Variants in PLCB1 observed in about 807,000 individuals in gnomAD.
PLCB1 encodes 1-phosphatidylinositol 4,5-bisphosphate phosphodiesterase beta-1.
In PLCB1, 46 loss-of-function variants were observed where a neutral mutation model predicts 161.8. That is an observed-to-expected ratio of 0.28 (90% CI 0.22 to 0.36). PLCB1 has a LOEUF of 0.36. Among genes scored for constraint, PLCB1 ranks in the 10% least tolerant of loss-of-function variants. The probability of loss-of-function intolerance (pLI) is 1.00; values close to 1 mark genes in which losing one functional copy is unlikely to be tolerated. For missense variants in PLCB1, 1,016 were observed against 1,472.5 expected, an observed-to-expected ratio of 0.69 and a Z score of 5.07; for synonymous variants, 517 against 503.7, an observed-to-expected ratio of 1.03 and a Z score of -0.35.
intron 2 of PLCB1, among the ~76,000 whole-genome samples, chr20:8,368,036 G>A (rs549763461): frequency 9.9e-5 from 15 of 152,262 alleles, no homozygotes; most frequent in East Asian, 9.7e-4. Context: ...CACAGTTGGC[G>A]TTAACTACCC....
intron 12 of PLCB1, among the ~76,000 whole-genome samples, chr20:8,713,317 GT>G (rs1266306296): frequency 6.6e-6 from 1 of 152,048 alleles, no homozygotes; most frequent in Non-Finnish European, 1.5e-5. Context: ...TAAGTAGCTG[GT>G]ATTACAGGCA....
intron 31 of PLCB1, among the ~76,000 whole-genome samples, chr20:8,871,989 A>G (rs1177474029): frequency 1.3e-5 from 2 of 152,208 alleles, no homozygotes; most frequent in African/African-American, 4.8e-5. Flanking sequence ...AAATAAGCTG[A>G]GCAAGGTCAT....
chr20:8,161,499 T>C (rs1205246523), intron 2 of PLCB1, among the ~76,000 whole-genome samples: 2 of 152,252 alleles, frequency 1.3e-5, no homozygotes, highest in African/African-American at 4.8e-5. Context: ...GGCAGTGCAG[T>C]CTGGCTCTAT....
In PLCB1 at chr20:8,881,605, CT is replaced by C; in HGVS notation, c.3424-16del. On this transcript the variant is annotated splice_polypyrimidine_tract_variant and intron_variant, in intron 31 of 31. Transcript: ENST00000338037. ...CATAAACAACTTCAAGTCATCTCCCCTCTTGATGTCTCTCAGCTGCAGGTGG... is the reference window on the plus strand; with the variant it reads ...CATAAACAACTTCAAGTCATCTCCCCCTTGATGTCTCTCAGCTGCAGGTGG... 2 of 1,594,234 alleles carry C rather than the reference CT, an allele frequency of 1.3e-6. No individual in the cohort carries two copies. The highest frequency in any genetic ancestry group is 8.6e-7 in the Non-Finnish European group (1 of 1,161,872).
chr20:8,263,894 C>T (rs1420867871), intron 2 of PLCB1, among the ~76,000 whole-genome samples: 4 of 152,110 alleles, frequency 2.6e-5, no homozygotes, highest in Non-Finnish European at 5.9e-5. Flanking sequence ...CATTAATGTA[C>T]ACTACTAGAG....
intron 1 of PLCB1, among the ~76,000 whole-genome samples, chr20:8,140,781 C>A (rs547879759): frequency 6.6e-5 from 10 of 151,208 alleles, no homozygotes; most frequent in South Asian, 2.1e-4. Flanking sequence ...ACAACAACAA[C>A]AACAAAAAAC....
intron 3 of PLCB1, among the ~76,000 whole-genome samples, chr20:8,452,108 G>A (rs8115127): frequency 0.019 from 2,906 of 152,278 alleles, 88 homozygotes; most frequent in African/African-American, 0.067. Flanking sequence ...TAATATTTAT[G>A]AAACAACTGT....
At chr20:8,534,320 G>T (rs1025629000) in intron 3 of PLCB1, among the ~76,000 whole-genome samples, 2 of 152,140 alleles carry the variant, frequency 1.3e-5, no homozygotes, top group East Asian at 1.9e-4. Flanking sequence ...GGACTTACAG[G>T]CAGGAGCCAC....
intron 2 of PLCB1, chr20:8,305,751 T>C (rs1984105737): frequency 6.6e-6 from 1 of 152,220 alleles, no homozygotes. Context: ...TTGCTATTTA[T>C]ATCTCTTCCT....
At chr20:8,288,040 A>G (rs1016385548) in intron 2 of PLCB1, among the ~76,000 whole-genome samples, 6 of 152,182 alleles carry the variant, frequency 3.9e-5, no homozygotes, top group Non-Finnish European at 5.9e-5. Context: ...GAACTTCTCT[A>G]TCTGAGGTGT....
intron 3 of PLCB1, among the ~76,000 whole-genome samples, chr20:8,392,024 A>G (rs1367884027): frequency 2.6e-5 from 4 of 151,936 alleles, no homozygotes; most frequent in Non-Finnish European, 4.4e-5. Flanking sequence ...TTTAGGACTC[A>G]TAATAAACTG....
chr20:8,703,409 AG>A (rs1397275353), intron 11 of PLCB1, among the ~76,000 whole-genome samples: 2 of 152,158 alleles, frequency 1.3e-5, no homozygotes, highest in Non-Finnish European at 2.9e-5. Context: ...GCCAGAGTGA[AG>A]GTGGGGGGCT....
intron 31 of PLCB1, among the ~76,000 whole-genome samples, chr20:8,821,409 C>T (rs1164609845): frequency 1.4e-5 from 2 of 142,040 alleles, no homozygotes; most frequent in South Asian, 2.3e-4. Flanking sequence ...ACCTGGGAGG[C>T]GGAGGTTGTG....
intron 12 of PLCB1, among the ~76,000 whole-genome samples, chr20:8,712,700 CT>C (rs2123459316): frequency 6.6e-6 from 1 of 152,278 alleles, no homozygotes; most frequent in Admixed American, 6.5e-5. Flanking sequence ...CAGATTCCTC[CT>C]TTATAGGGAA....
At chr20:8,484,404 C>G (rs1233685689) in intron 3 of PLCB1, among the ~76,000 whole-genome samples, 1 of 150,812 alleles carries the variant, frequency 6.6e-6, no homozygotes, top group Non-Finnish European at 1.5e-5. Context: ...CTCTGTCGTC[C>G]AGGCTGGAAT....
intron 3 of PLCB1, among the ~76,000 whole-genome samples, chr20:8,481,461 A>C (rs1448297261): frequency 2.6e-5 from 4 of 152,224 alleles, no homozygotes; most frequent in Non-Finnish European, 5.9e-5. Context: ...TAAGTTGGCT[A>C]CTTGCTCTGC....
At chr20:8,871,367 G>A (rs1304161066) in intron 31 of PLCB1, among the ~76,000 whole-genome samples, 3 of 152,138 alleles carry the variant, frequency 2.0e-5, no homozygotes, top group Non-Finnish European at 4.4e-5. Flanking sequence ...AGGAAGTGTT[G>A]AGAGCTTCTG....
chr20:8,863,035 A>G (rs1987308138), intron 31 of PLCB1, among the ~76,000 whole-genome samples: 1 of 152,192 alleles, frequency 6.6e-6, no homozygotes, highest in East Asian at 1.9e-4. Flanking sequence ...CCTTAGAGTT[A>G]TTTCTTGCAA....
chr20:8,869,623 A>T (rs1987545880), intron 31 of PLCB1, among the ~76,000 whole-genome samples: 1 of 152,242 alleles, frequency 6.6e-6, no homozygotes, highest in African/African-American at 2.4e-5. Flanking sequence ...TATAAGAGTC[A>T]TGGGGAAATG....
Sources: gnomAD v4.1 joint callset for allele counts (sites outside exome capture counted in the v4.1 genomes callset) on GRCh38, gnomAD v4.1.1 for gene constraint, MANE v1.5 for transcripts, NCBI Gene and HGNC (gene_info 2026-07-23, HGNC 2026-07-21) for gene names.